Variants in IGSF11 observed in about 807,000 individuals in gnomAD.
The protein encoded by IGSF11 is immunoglobulin superfamily member 11.
A neutral mutation model predicts 41.0 loss-of-function variants in IGSF11; 22 were observed. That is an observed-to-expected ratio of 0.54 (90% confidence interval 0.38 to 0.77). The LOEUF is 0.77. IGSF11 is among the 30% of genes least tolerant of loss of function. The pLI is 0.00. For missense variants in IGSF11, 444 were observed against 530.8 expected (o/e 0.84, Z 1.61); for synonymous variants, 219 against 201.3 (o/e 1.09, Z -0.74).
At chr3:118,940,936 CTTAT>C (rs1173710262) in intron 1 of IGSF11, among the ~76,000 whole-genome samples, 5 of 149,726 alleles carry the variant, frequency 3.3e-5, no homozygotes, top group African/African-American at 1.2e-4. Context: ...CACCTCTACC[CTTAT>C]TTAATACTTT....
intron 1 of IGSF11, among the ~76,000 whole-genome samples, chr3:119,085,136 T>C (rs1236698278): frequency 6.6e-6 from 1 of 152,024 alleles, no homozygotes; most frequent in African/African-American, 2.4e-5. Context: ...GGCTCAAGAG[T>C]GGAGCTGGTG....
intron 1 of IGSF11, among the ~76,000 whole-genome samples, chr3:119,089,725 C>A (rs1211325148): frequency 5.3e-5 from 8 of 152,172 alleles, no homozygotes; most frequent in Non-Finnish European, 1.5e-5. Flanking sequence ...GTCAGTAAAG[C>A]TTCAAGACAC....
At chr3:119,032,858 T>A (rs1470427529) in intron 1 of IGSF11, among the ~76,000 whole-genome samples, 3 of 152,228 alleles carry the variant, frequency 2.0e-5, no homozygotes, top group Non-Finnish European at 2.9e-5. Context: ...CACGCGTCTT[T>A]GTATTCCACC....
At chr3:119,004,399 C>T (rs1242027561) in intron 1 of IGSF11, among the ~76,000 whole-genome samples, 1 of 151,380 alleles carries the variant, frequency 6.6e-6, no homozygotes, top group African/African-American at 2.4e-5. Context: ...TTTGTTGATC[C>T]TTTCAAAAAA....
chr3:119,061,277 T>C (rs1033498512), intron 1 of IGSF11, among the ~76,000 whole-genome samples: 6 of 152,182 alleles, frequency 3.9e-5, no homozygotes, highest in African/African-American at 1.2e-4. Flanking sequence ...CTATCTCTTA[T>C]TCTAGTTTCT....
intron 1 of IGSF11, among the ~76,000 whole-genome samples, chr3:118,957,152 C>T (rs1214776859): frequency 1.3e-5 from 2 of 152,098 alleles, no homozygotes; most frequent in Non-Finnish European, 2.9e-5. Context: ...TGAGACTTGT[C>T]AACTCAGACA....
intron 1 of IGSF11, among the ~76,000 whole-genome samples, chr3:119,144,928 A>C (rs2077698758): frequency 6.6e-6 from 1 of 152,222 alleles, no homozygotes; most frequent in Non-Finnish European, 1.5e-5. Context: ...TAGCACTTTG[A>C]AGCTACAAGC....
intron 1 of IGSF11, among the ~76,000 whole-genome samples, chr3:119,042,815 G>C (rs148126402): frequency 5.7e-4 from 86 of 152,190 alleles, no homozygotes; most frequent in African/African-American, 1.9e-3. Context: ...ACCTCAGCTG[G>C]TGCTCTCTTG....
At chr3:119,050,548 G>T (rs1436688635) in intron 1 of IGSF11, among the ~76,000 whole-genome samples, 1 of 151,572 alleles carries the variant, frequency 6.6e-6, no homozygotes, top group Non-Finnish European at 1.5e-5. Flanking sequence ...ACTGTTAGTG[G>T]GACTGTAAAG....
chr3:118,928,095 T>C lies in IGSF11; in HGVS notation c.424+414A>G, dbSNP rs566018516. ...ACGTGCAAGCCAAGAACTGTGGTGA[T>C]CCTACTCGGTGTTACACAGATATGA... On this transcript the variant is annotated intron_variant, in intron 3 of 6. Coordinates refer to ENST00000393775, the MANE Select transcript of IGSF11 (RefSeq NM_001015887.3). Among the ~76,000 whole-genome samples the C allele has an allele frequency of 2.6e-5, 4 of 152,290 alleles. No homozygotes were observed. In the South Asian group the frequency reaches 8.3e-4, roughly 32 times the overall value.
At chr3:119,045,388 G>T (rs1482612797) in intron 1 of IGSF11, among the ~76,000 whole-genome samples, 1 of 152,224 alleles carries the variant, frequency 6.6e-6, no homozygotes, top group African/African-American at 2.4e-5. Flanking sequence ...GTGACGAACG[G>T]CACCTGGAAA....
At chr3:118,995,277 T>C (rs1005709456) in intron 1 of IGSF11, among the ~76,000 whole-genome samples, 9 of 152,148 alleles carry the variant, frequency 5.9e-5, no homozygotes, top group African/African-American at 2.2e-4. Flanking sequence ...CAATGTTACA[T>C]AGTAACCCGA....
At position 118,933,131 on chromosome 3, in the gene IGSF11, A is replaced by G. The variant is rs115475226; in HGVS notation, c.53-2856T>C. Among the ~76,000 whole-genome samples, 339 of 152,300 alleles carry G rather than the reference A, an allele frequency of 2.2e-3. 3 individuals are homozygous for G. The highest frequency in any genetic ancestry group is 8.0e-3 in the African/African-American group (331 of 41,564). On this transcript the variant is annotated intron_variant, in intron 1 of 6. Coordinates refer to ENST00000393775, the MANE Select transcript of IGSF11 (RefSeq NM_001015887.3). Reference sequence around the variant, plus strand: ...GTTTTTACATAAGGTCAATCCTAAAATCTCACATTCTGAAATATCTGAAGA... The same window carrying G: ...GTTTTTACATAAGGTCAATCCTAAAGTCTCACATTCTGAAATATCTGAAGA...
chr3:118,927,374 C>T (rs896662884), intron 3 of IGSF11, among the ~76,000 whole-genome samples: 3 of 152,146 alleles, frequency 2.0e-5, no homozygotes, highest in Non-Finnish European at 4.4e-5. Flanking sequence ...AAGCCAGTCA[C>T]CTAACTTACA....
At chr3:119,099,542 A>T (rs1412145174) in intron 1 of IGSF11, among the ~76,000 whole-genome samples, 1 of 152,218 alleles carries the variant, frequency 6.6e-6, no homozygotes, top group Non-Finnish European at 1.5e-5. Flanking sequence ...CAACAAAAAA[A>T]TAAGAGAAAA....
chr3:118,911,666 C>T (rs1940317197), intron 4 of IGSF11, among the ~76,000 whole-genome samples: 1 of 146,528 alleles, frequency 6.8e-6, no homozygotes, highest in South Asian at 2.2e-4. Context: ...AGAGAGAGAA[C>T]AAAGAGGAGA....
chr3:119,023,556 T>A (rs1939526467), intron 1 of IGSF11, among the ~76,000 whole-genome samples: 1 of 152,012 alleles, frequency 6.6e-6, no homozygotes, highest in Admixed American at 6.6e-5. Context: ...CCACACCCAG[T>A]TTACACATAT....
intron 1 of IGSF11, among the ~76,000 whole-genome samples, chr3:119,068,534 G>T (rs1448039903): frequency 6.6e-6 from 1 of 152,108 alleles, no homozygotes; most frequent in African/African-American, 2.4e-5. Context: ...AAAACCCAAA[G>T]AACATTATGC....
At chr3:119,072,538 G>C (rs755269906) in intron 1 of IGSF11, among the ~76,000 whole-genome samples, 1 of 152,172 alleles carries the variant, frequency 6.6e-6, no homozygotes, top group East Asian at 1.9e-4. Context: ...ATGTTCGGAC[G>C]TGTTCAGACT....
Sources: gnomAD v4.1 joint callset for allele counts (sites outside exome capture counted in the v4.1 genomes callset) on GRCh38, gnomAD v4.1.1 for gene constraint, MANE v1.5 for transcripts, NCBI Gene and HGNC (gene_info 2026-07-23, HGNC 2026-07-21) for gene names.